The following MRPS6 variants were observed in gnomAD, a reference collection of about 807,000 sequenced individuals.
MRPS6 encodes small ribosomal subunit protein bS6m.
In MRPS6, 6 loss-of-function variants were observed where a neutral mutation model predicts 13.1. The ratio of observed to expected loss-of-function variants is 0.46; its 90% CI spans 0.25 to 0.91. MRPS6 has a LOEUF of 0.91. MRPS6 is among the 40% of genes least tolerant of loss of function. The pLI is 0.18. For synonymous variants in MRPS6, 61 were observed against 56.5 expected (o/e 1.08, Z -0.36); for missense variants, 164 against 155.6 (o/e 1.05, Z -0.29).
chr21:34,080,235 C>T (rs1569412503), intron 1 of MRPS6, among the ~76,000 whole-genome samples: 1 of 152,120 alleles, frequency 6.6e-6, no homozygotes, highest in South Asian at 2.1e-4. Context: ...TTTCTGATTC[C>T]CATACTAATT....
intron 1 of MRPS6, among the ~76,000 whole-genome samples, chr21:34,116,204 GTGTGTGTGTGTGTA>G (rs923027577): frequency 6.8e-6 from 1 of 146,816 alleles, no homozygotes; most frequent in Non-Finnish European, 1.5e-5. Flanking sequence ...GTGTGTGTGT[GTGTGTGTGTGTGTA>G]TGTGTGTTTT....
intron 1 of MRPS6, among the ~76,000 whole-genome samples, chr21:34,121,448 T>C (rs1157136250): frequency 6.6e-6 from 1 of 152,194 alleles, no homozygotes; most frequent in Non-Finnish European, 1.5e-5. Context: ...ACTAGAATCA[T>C]AGTCCTAGTT....
intron 1 of MRPS6, among the ~76,000 whole-genome samples, chr21:34,114,769 G>A (rs1195851041): frequency 6.6e-6 from 1 of 152,114 alleles, no homozygotes; most frequent in East Asian, 1.9e-4. Context: ...AAGGAACAAA[G>A]GTACATTATT....
intron 1 of MRPS6, among the ~76,000 whole-genome samples, chr21:34,078,918 T>A (rs1989395455): frequency 6.6e-6 from 1 of 152,254 alleles, no homozygotes. Context: ...AGGCAATATT[T>A]TTAAGACGTG....
rs1016927600 is a variant in MRPS6, at chr21:34,073,607, A to T, written c.-94A>T. On this transcript the variant is annotated 5_prime_UTR_variant, in exon 1 of 3. Coordinates refer to ENST00000399312, the MANE Select transcript of MRPS6 (RefSeq NM_032476.4). ...TCGCCGCCTGGGAGCCGTCCGGCGC[A>T]GCAGTTTCTAGGTCCCCACTGTCCC... is the stretch of plus-strand genomic sequence containing the variant. The T allele has an allele frequency of 9.0e-7, 1 of 1,110,800 alleles. No individual in the cohort carries two copies. Among genetic ancestry groups the T allele is most frequent in the African/African-American group, 1.7e-5 (1 of 60,040 alleles). 68.8% of individuals were successfully genotyped at this position (1,110,800 alleles called of 1,614,324 possible).
intron 1 of MRPS6, among the ~76,000 whole-genome samples, chr21:34,078,834 C>T (rs1989393726): frequency 6.6e-6 from 1 of 152,156 alleles, no homozygotes; most frequent in African/African-American, 2.4e-5. Context: ...GATTATCAGA[C>T]TTTTCCTATT....
At chr21:34,133,563 T>A (rs1165029876) in intron 2 of MRPS6, among the ~76,000 whole-genome samples, 1 of 152,182 alleles carries the variant, frequency 6.6e-6, no homozygotes, top group East Asian at 1.9e-4. Context: ...TTTGAATAAG[T>A]TGAATACTTG....
At position 34,096,960 on chromosome 21, in the gene MRPS6, A is replaced by C. The variant is rs753256176; in HGVS notation, c.45+23215A>C. 4 of 1,614,128 alleles carry C rather than the reference A, an allele frequency of 2.5e-6. No homozygotes were observed. The highest frequency in any genetic ancestry group is 3.4e-6 in the Non-Finnish European group (4 of 1,179,988). ...TGAGACCATCAACCACATCATTCCCAACGGGAAATCTGAAGACAGCATTAA... is the reference window on the plus strand; with the variant it reads ...TGAGACCATCAACCACATCATTCCCCACGGGAAATCTGAAGACAGCATTAA... On this transcript the variant is annotated intron_variant, in intron 1 of 2. Transcript: ENST00000399312. The surrounding 1 kb of genome is among the most constrained non-coding windows in gnomAD (Gnocchi z 5.9).
At chr21:34,135,826 G>GCCAC in intron 2 of MRPS6, 1 of 553,834 alleles carries the variant, frequency 1.8e-6, no homozygotes, top group South Asian at 1.8e-5. Context: ...CATTATCATG[G>GCCAC]AGTTAGTGAG....
chr21:34,103,883 C>G (rs1979358557), intron 1 of MRPS6: 1 of 999,960 alleles, frequency 1.0e-6, no homozygotes, highest in Non-Finnish European at 1.2e-6. Flanking sequence ...TTTACTGCAA[C>G]TTGAAACTGG....
intron 2 of MRPS6, among the ~76,000 whole-genome samples, chr21:34,126,899 G>C (rs550107076): frequency 4.6e-5 from 7 of 152,260 alleles, no homozygotes; most frequent in Admixed American, 1.3e-4. Context: ...TGAGGACCAG[G>C]CTCAAGAACT....
intron 1 of MRPS6, among the ~76,000 whole-genome samples, chr21:34,090,759 C>T (rs1978643682): frequency 1.3e-5 from 2 of 152,260 alleles, no homozygotes; most frequent in African/African-American, 4.8e-5. Context: ...ATTTTAAAAG[C>T]CAGACAGTTG....
At position 34,096,819 on chromosome 21, in the gene MRPS6, AT is replaced by A. The variant is rs1423378138; in HGVS notation, c.45+23076del. ...CACACCACCTCCCACAAAGGAACAGATTCGAACCACCACCTTTTGGTCTAAG... is the reference window on the plus strand; with the variant it reads ...CACACCACCTCCCACAAAGGAACAGATCGAACCACCACCTTTTGGTCTAAG... On this transcript the variant is annotated intron_variant, in intron 1 of 2. Coordinates refer to ENST00000399312, the MANE Select transcript of MRPS6 (RefSeq NM_032476.4). The surrounding 1 kb of genome is among the most constrained non-coding windows in gnomAD (Gnocchi z 5.9). 6.2e-7 allele frequency: 1 copy of A among 1,613,958 alleles called. No homozygotes were observed. Among genetic ancestry groups the A allele is most frequent in the Non-Finnish European group, 8.5e-7 (1 of 1,180,006 alleles).
In MRPS6 at chr21:34,096,014, A is replaced by T. The variant is rs1260012806; in HGVS notation, c.45+22269A>T. Reference sequence around the variant, plus strand: ...TCATTCTTGGGCAGACCCCAGCTTCAGTATGGTACTGGTGTGCTGACCAAG... The same window carrying T: ...TCATTCTTGGGCAGACCCCAGCTTCTGTATGGTACTGGTGTGCTGACCAAG... On this transcript the variant is annotated intron_variant, in intron 1 of 2. Coordinates refer to ENST00000399312, the MANE Select transcript of MRPS6 (RefSeq NM_032476.4). This position sits in a 1 kb window ranked among gnomAD's most constrained non-coding sequence, Gnocchi z 5.9. 6.2e-7 allele frequency: 1 copy of T among 1,614,032 alleles called. No individual in the cohort carries two copies. The highest frequency in any genetic ancestry group is 1.3e-5 in the African/African-American group (1 of 74,922).
chr21:34,088,943 A>G (rs1219587404), intron 1 of MRPS6, among the ~76,000 whole-genome samples: 1 of 150,626 alleles, frequency 6.6e-6, no homozygotes, highest in Admixed American at 6.6e-5. Flanking sequence ...ACAAGCAGAT[A>G]GTGTTGAGCC....
chr21:34,075,660 C>T (rs953759313), intron 1 of MRPS6, among the ~76,000 whole-genome samples: 4 of 152,200 alleles, frequency 2.6e-5, no homozygotes, highest in African/African-American at 7.2e-5. Flanking sequence ...TGTACAATGG[C>T]GAAGTTATGT....
intron 2 of MRPS6, among the ~76,000 whole-genome samples, chr21:34,133,601 C>T (rs1295516412): frequency 6.6e-6 from 1 of 151,222 alleles, no homozygotes; most frequent in Non-Finnish European, 1.5e-5. Flanking sequence ...GCTTGGACTT[C>T]CTGTGGACTC....
At chr21:34,116,792 C>A (rs755819001) in intron 1 of MRPS6, among the ~76,000 whole-genome samples, 3 of 152,044 alleles carry the variant, frequency 2.0e-5, no homozygotes, top group Non-Finnish European at 4.4e-5. Flanking sequence ...ACATTTATTG[C>A]CCCCCTTTCA....
chr21:34,132,486 T>C (rs925796388), intron 2 of MRPS6, among the ~76,000 whole-genome samples: 4 of 152,150 alleles, frequency 2.6e-5, no homozygotes, highest in Admixed American at 6.5e-5. Flanking sequence ...TCAGAGCAGT[T>C]AGGAGGGTGA....
Sources: allele counts gnomAD v4.1 joint callset (sites outside exome capture counted in the v4.1 genomes callset), GRCh38; gene constraint gnomAD v4.1.1; non-coding constraint Gnocchi (gnomAD v3.1); transcripts MANE v1.5; gene names NCBI Gene and HGNC (gene_info 2026-07-23, HGNC 2026-07-21).